The following NRG1 variants were observed in gnomAD, a reference collection of about 807,000 sequenced individuals.
NRG1 encodes the protein pro-neuregulin-1, membrane-bound isoform.
A neutral mutation model predicts 63.8 loss-of-function variants in NRG1; 18 were observed. The observed-to-expected ratio is 0.28, with a 90% CI of 0.19 to 0.42. The LOEUF (loss-of-function observed/expected upper bound fraction) is 0.42. NRG1 is among the 10% of genes least tolerant of loss of function. NRG1 has a pLI of 1.00. For missense variants in NRG1, 762 were observed against 814.7 expected (o/e 0.94, Z 0.79); for synonymous variants, 302 against 301.3 (o/e 1.00, Z -0.02).
chr8:32,678,030 G>C (rs895605151), intron 5 of NRG1, among the ~76,000 whole-genome samples: 1 of 152,024 alleles, frequency 6.6e-6, no homozygotes, highest in African/African-American at 2.4e-5. Context: ...AAACTCATTG[G>C]TTTTTCTACA....
intron 1 of NRG1, among the ~76,000 whole-genome samples, chr8:31,990,770 T>C (rs1472954712): frequency 6.6e-6 from 1 of 152,116 alleles, no homozygotes; most frequent in Admixed American, 6.6e-5. Flanking sequence ...AATATCAGCA[T>C]GAAGTGAAGT....
chr8:31,711,928 C>T (rs1811798515), intron 1 of NRG1, among the ~76,000 whole-genome samples: 1 of 152,134 alleles, frequency 6.6e-6, no homozygotes, highest in Non-Finnish European at 1.5e-5. Context: ...GACCTAATCA[C>T]CTCCCAAAGG....
chr8:31,860,903 G>C (rs1032629088), intron 1 of NRG1, among the ~76,000 whole-genome samples: 1 of 152,110 alleles, frequency 6.6e-6, no homozygotes, highest in Admixed American at 6.6e-5. Context: ...CAACAGTGTC[G>C]AATAGGGTAG....
intron 1 of NRG1, among the ~76,000 whole-genome samples, chr8:31,898,403 T>A (rs561312111): frequency 3.2e-4 from 49 of 152,318 alleles, no homozygotes; most frequent in African/African-American, 1.1e-3. Context: ...CTATAGTACA[T>A]CTGTTTTAAA....
intron 1 of NRG1, among the ~76,000 whole-genome samples, chr8:32,463,202 A>C (rs1234625770): frequency 2.0e-5 from 3 of 152,032 alleles, no homozygotes; most frequent in Non-Finnish European, 1.5e-5. Context: ...TCATCTGTTA[A>C]TGGATTCTTA....
At chr8:31,815,386 T>A (rs984221709) in intron 1 of NRG1, among the ~76,000 whole-genome samples, 4 of 152,174 alleles carry the variant, frequency 2.6e-5, no homozygotes, top group Non-Finnish European at 5.9e-5. Flanking sequence ...CTTAGCATAA[T>A]ATCCTCAAGG....
chr8:32,003,330 T>A (rs1813249224), intron 1 of NRG1, among the ~76,000 whole-genome samples: 1 of 152,074 alleles, frequency 6.6e-6, no homozygotes, highest in South Asian at 2.1e-4. Context: ...TATCAATCAA[T>A]TTGTTCTAAT....
At chr8:32,646,868 T>A (rs1679050153) in intron 5 of NRG1, 2 of 967,654 alleles carry the variant, frequency 2.1e-6, no homozygotes, top group African/African-American at 3.9e-5. Flanking sequence ...AGCTCTAGAG[T>A]GTGGGTAGAG....
intron 5 of NRG1, among the ~76,000 whole-genome samples, chr8:32,689,963 C>A (rs1022901831): frequency 1.3e-5 from 2 of 152,116 alleles, no homozygotes; most frequent in Non-Finnish European, 2.9e-5. Flanking sequence ...AAGAGAGGAA[C>A]GAGTAGGAAG....
rs780496777 is a variant in NRG1, at chr8:31,934,420, C to CTCTTTTTTTTTTTTTTTTTT, written c.37+294990_37+294991insCTTTTTTTTTTTTTTTTTTT. ...ATACACACACCCCTTTATTCGCTCTCTTTTTTTTTTTTTTTTTTTTTTTAG... is the reference window on the plus strand; with the variant it reads ...ATACACACACCCCTTTATTCGCTCTCTCTTTTTTTTTTTTTTTTTTTTTTTTTTTTTTTTTTTTTTTTTAG... On this transcript the variant is annotated intron_variant, in intron 1 of 10. Transcript: ENST00000519301. Among the ~76,000 whole-genome samples, 2 of 108,062 alleles carry CTCTTTTTTTTTTTTTTTTTT rather than the reference C, an allele frequency of 1.9e-5. 1 individual carries two copies. Among genetic ancestry groups the CTCTTTTTTTTTTTTTTTTTT allele is most frequent in the Admixed American group, 1.9e-4 (2 of 10,486 alleles). 70.9% of individuals were successfully genotyped at this position (108,062 alleles called of 152,430 possible).
chr8:31,820,911 G>A (rs1029769727), intron 1 of NRG1, among the ~76,000 whole-genome samples: 2 of 152,132 alleles, frequency 1.3e-5, no homozygotes, highest in African/African-American at 4.8e-5. Context: ...CGGAGGTATA[G>A]CAAGTAGTGT....
intron 1 of NRG1, among the ~76,000 whole-genome samples, chr8:32,432,380 A>C (rs893275674): frequency 2.6e-5 from 4 of 152,202 alleles, no homozygotes; most frequent in African/African-American, 9.6e-5. Flanking sequence ...TTTACAAAAA[A>C]AGAAATCTGA....
In NRG1 at chr8:31,640,118, C is replaced by T; in HGVS notation, c.37+687C>T. ...CTGCTGCTGGGGACCGCGGCCCTGG[C>T]GCCGGGGGCGGCGGCCGGCAACGAG... On this transcript the variant is annotated intron_variant, in intron 1 of 10. Coordinates refer to the NRG1 transcript ENST00000519301. This position sits in a 1 kb window ranked among gnomAD's most constrained non-coding sequence, Gnocchi z 6.3. The T allele has an allele frequency of 8.7e-7, 1 of 1,153,120 alleles. No homozygotes were observed. Among genetic ancestry groups the T allele is most frequent in the Non-Finnish European group, 1.1e-6 (1 of 939,010 alleles). 71.4% of individuals were successfully genotyped at this position (1,153,120 alleles called of 1,614,324 possible). A position where few individuals can be genotyped will look rare whatever the true frequency, so the allele number is the denominator to read the frequency against.
At chr8:32,311,960 C>CT (rs1563301278) in intron 1 of NRG1, among the ~76,000 whole-genome samples, 1 of 152,060 alleles carries the variant, frequency 6.6e-6, no homozygotes, top group Admixed American at 6.6e-5. Flanking sequence ...TCTTTTTTCT[C>CT]TATTTCATGG....
At chr8:32,383,583 C>T (rs1430197897) in intron 1 of NRG1, among the ~76,000 whole-genome samples, 2 of 152,176 alleles carry the variant, frequency 1.3e-5, no homozygotes, top group African/African-American at 4.8e-5. Context: ...GAGCTCCCAC[C>T]CTTTTGGACT....
intron 5 of NRG1, among the ~76,000 whole-genome samples, chr8:32,685,549 C>T (rs1199185612): frequency 6.6e-6 from 1 of 152,168 alleles, no homozygotes; most frequent in Non-Finnish European, 1.5e-5. Flanking sequence ...TTGAGGATTG[C>T]TTATGGAAAC....
At chr8:31,710,378 G>A in intron 1 of NRG1, among the ~76,000 whole-genome samples, 1 of 151,678 alleles carries the variant, frequency 6.6e-6, no homozygotes, top group East Asian at 1.9e-4. Context: ...AAGAAGATAG[G>A]TCTTTTTATT....
intron 1 of NRG1, among the ~76,000 whole-genome samples, chr8:32,169,991 C>T (rs1839851672): frequency 6.6e-6 from 1 of 152,132 alleles, no homozygotes; most frequent in South Asian, 2.1e-4. Context: ...AAGACATAGA[C>T]ACACAGGAAG....
intron 1 of NRG1, among the ~76,000 whole-genome samples, chr8:32,469,830 T>C (rs1823556049): frequency 6.6e-6 from 1 of 152,104 alleles, no homozygotes; most frequent in Non-Finnish European, 1.5e-5. Flanking sequence ...GGGAAATGTT[T>C]AATCCACTTG....
Sources: allele counts gnomAD v4.1 joint callset (sites outside exome capture counted in the v4.1 genomes callset), GRCh38; gene constraint gnomAD v4.1.1; non-coding constraint Gnocchi (gnomAD v3.1); transcripts MANE v1.5; gene names NCBI Gene and HGNC (gene_info 2026-07-23, HGNC 2026-07-21).